Variants in YWHAG observed in about 807,000 individuals in gnomAD.
The protein encoded by YWHAG is 14-3-3 protein gamma.
YWHAG carries 1 observed loss-of-function variant against 23.3 expected under a neutral mutation model. The observed-to-expected ratio is 0.04, with a 90% confidence interval of 0.02 to 0.20. The LOEUF (loss-of-function observed/expected upper bound fraction) is 0.20, where lower values mean the gene tolerates loss of function less well. YWHAG is among the 10% of genes least tolerant of loss of function. The probability of loss-of-function intolerance (pLI) is 1.00; values close to 1 mark genes in which losing one functional copy is unlikely to be tolerated. For missense variants in YWHAG, 151 were observed against 338.6 expected (o/e 0.45, Z 4.35); for synonymous variants, 160 against 144.0 (o/e 1.11, Z -0.80).
intron 1 of YWHAG, among the ~76,000 whole-genome samples, chr7:76,332,329 C>T (rs1013399363): frequency 6.6e-6 from 1 of 152,188 alleles, no homozygotes; most frequent in African/African-American, 2.4e-5. Flanking sequence ...CAGCAGACCG[C>T]TGTCACTCAT....
At position 76,353,786 on chromosome 7, in the gene YWHAG, G is replaced by A. The variant is rs180901423; in HGVS notation, c.87+4936C>T. Among the ~76,000 whole-genome samples the A allele has an allele frequency of 1.2e-3, 188 of 152,098 alleles. 1 individual carries two copies. The highest frequency in any genetic ancestry group is 3.1e-4 in the Non-Finnish European group (21 of 67,990). The stretch of plus-strand genomic sequence containing the variant: ...TTTAGCTGCATTATAATTATAGACC[G>A]GGCTGGGTGTGGTGGCTCACACCTG... On this transcript the variant is annotated intron_variant, in intron 1 of 1. Coordinates refer to ENST00000307630, the MANE Select transcript of YWHAG (RefSeq NM_012479.4).
intron 1 of YWHAG, among the ~76,000 whole-genome samples, chr7:76,341,872 C>T (rs1381416857): frequency 6.6e-6 from 1 of 152,126 alleles, no homozygotes; most frequent in Admixed American, 6.6e-5. Flanking sequence ...ATGGGTGAAT[C>T]GCATGGTATG....
At chr7:76,351,320 C>T (rs2115647722) in intron 1 of YWHAG, among the ~76,000 whole-genome samples, 1 of 152,278 alleles carries the variant, frequency 6.6e-6, no homozygotes, top group East Asian at 1.9e-4. Flanking sequence ...GCTTTCCTCG[C>T]CTTGGAATGC....
intron 1 of YWHAG, among the ~76,000 whole-genome samples, chr7:76,341,971 C>A (rs909619614): frequency 6.6e-6 from 1 of 152,212 alleles, no homozygotes; most frequent in Non-Finnish European, 1.5e-5. Flanking sequence ...AATCAAACAT[C>A]ATCAGCTCAC....
intron 1 of YWHAG, among the ~76,000 whole-genome samples, chr7:76,342,599 G>C (rs934119396): frequency 5.3e-5 from 8 of 152,092 alleles, no homozygotes; most frequent in African/African-American, 1.9e-4. Flanking sequence ...TCATATCCTA[G>C]AGTCTTCTCT....
intron 1 of YWHAG, among the ~76,000 whole-genome samples, chr7:76,356,654 G>A (rs947831193): frequency 3.3e-5 from 5 of 151,940 alleles, no homozygotes; most frequent in African/African-American, 9.7e-5. Context: ...ATAAATTATC[G>A]TTTAAAATTT....
At chr7:76,343,299 C>G (rs1803727078) in intron 1 of YWHAG, among the ~76,000 whole-genome samples, 1 of 152,092 alleles carries the variant, frequency 6.6e-6, no homozygotes. Flanking sequence ...AGCAAAGGAT[C>G]ATCTGCTCCG....
intron 1 of YWHAG, among the ~76,000 whole-genome samples, chr7:76,339,407 T>C (rs1317822895): frequency 6.6e-6 from 1 of 151,912 alleles, no homozygotes; most frequent in Non-Finnish European, 1.5e-5. Context: ...GAGGCAGAGG[T>C]TGCAGTGAGC....
chr7:76,351,787 G>GT (rs960674988), intron 1 of YWHAG, among the ~76,000 whole-genome samples: 1 of 152,176 alleles, frequency 6.6e-6, no homozygotes, highest in Non-Finnish European at 1.5e-5. Flanking sequence ...CTACATTACG[G>GT]TGAGTTGTAT....
At chr7:76,331,131 T>C (rs911000136) in intron 1 of YWHAG, among the ~76,000 whole-genome samples, 3 of 152,196 alleles carry the variant, frequency 2.0e-5, no homozygotes, top group Non-Finnish European at 4.4e-5. Flanking sequence ...ATTATTATTA[T>C]ATTTGACACA....
chr7:76,330,056 T>C lies in YWHAG; in HGVS notation c.265A>G (p.Ile89Val), dbSNP rs770925257. The C allele has an allele frequency of 5.6e-6, 9 of 1,614,046 alleles. No homozygotes were observed. The highest frequency in any genetic ancestry group is 1.7e-6 in the Non-Finnish European group (2 of 1,180,044). The change falls in exon 2 of 2, where the codon ATA (isoleucine) becomes GTA (valine). Residue 89 changes from isoleucine (I) to valine (V), a missense_variant. Coordinates refer to ENST00000307630, the MANE Select transcript of YWHAG (RefSeq NM_012479.4). ...CACACAGCCTCCAACTCCTTCTCTA[T>C]CTTCTCCCGGTACGCACGGACCATC... Reference protein sequence around the residue: ...IEMVRAYREKIEKELEAVCQD... With the variant: ...IEMVRAYREKVEKELEAVCQD...
chr7:76,354,657 C>T (rs1047152214), intron 1 of YWHAG, among the ~76,000 whole-genome samples: 2 of 152,170 alleles, frequency 1.3e-5, no homozygotes, highest in Non-Finnish European at 2.9e-5. Flanking sequence ...CTTGTGCTGG[C>T]GTCCCATCAG....
intron 1 of YWHAG, among the ~76,000 whole-genome samples, chr7:76,354,411 T>A (rs1803920702): frequency 6.6e-6 from 1 of 152,064 alleles, no homozygotes; most frequent in South Asian, 2.1e-4. Context: ...CTTGGGAGGC[T>A]GAGGCAGGAG....
intron 1 of YWHAG, among the ~76,000 whole-genome samples, chr7:76,333,869 G>A (rs2115599277): frequency 1.3e-5 from 2 of 152,376 alleles, no homozygotes; most frequent in Non-Finnish European, 1.5e-5. Flanking sequence ...TATTTCAAGG[G>A]CCAGGAGCTA....
At position 76,355,036 on chromosome 7, in the gene YWHAG, C is replaced by A. The variant is rs569608409; in HGVS notation, c.87+3686G>T. On this transcript the variant is annotated intron_variant, in intron 1 of 1. Transcript: ENST00000307630. Reference sequence around the variant, plus strand: ...TGAGCTGTTGTGGGCACTCCATTATCGACACATTCCTGAATAGGTGCTGAA... The same window carrying A: ...TGAGCTGTTGTGGGCACTCCATTATAGACACATTCCTGAATAGGTGCTGAA... Among the ~76,000 whole-genome samples, 7 of 152,280 alleles carry A rather than the reference C, an allele frequency of 4.6e-5. No homozygotes were observed. In the South Asian group the frequency reaches 1.2e-3, roughly 27 times the overall value.
chr7:76,352,621 AG>A (rs1345257646), intron 1 of YWHAG, among the ~76,000 whole-genome samples: 1 of 152,160 alleles, frequency 6.6e-6, no homozygotes, highest in African/African-American at 2.4e-5. Flanking sequence ...AAATTATGTA[AG>A]AACACTCTCT....
At chr7:76,358,364 G>A (rs1009812018) in intron 1 of YWHAG, among the ~76,000 whole-genome samples, 1 of 152,296 alleles carries the variant, frequency 6.6e-6, no homozygotes, top group Non-Finnish European at 1.5e-5. Flanking sequence ...AGGCTAGGAG[G>A]AGGGGGGAAG....
chr7:76,356,694 TTAAA>T (rs1803966333), intron 1 of YWHAG, among the ~76,000 whole-genome samples: 1 of 152,228 alleles, frequency 6.6e-6, no homozygotes, highest in South Asian at 2.1e-4. Flanking sequence ...GCCCAGTATT[TTAAA>T]TAAATGAGAT....
At chr7:76,349,418 TACACACACAC>T (rs35880008) in intron 1 of YWHAG, among the ~76,000 whole-genome samples, 73 of 147,158 alleles carry the variant, frequency 5.0e-4, no homozygotes, top group African/African-American at 1.6e-3. Flanking sequence ...CATTTATTAA[TACACACACAC>T]ACACACACAC....
Sources: allele counts gnomAD v4.1 joint callset (sites outside exome capture counted in the v4.1 genomes callset), GRCh38; gene constraint gnomAD v4.1.1; transcripts MANE v1.5; gene names NCBI Gene and HGNC (gene_info 2026-07-23, HGNC 2026-07-21).